The following ADH1B variants were observed in gnomAD, a reference collection of about 807,000 sequenced individuals.
ADH1B encodes the protein all-trans-retinol dehydrogenase [NAD(+)] ADH1B.
Under a neutral mutation model 34.6 loss-of-function variants are expected in ADH1B, and 29 were observed. The ratio of observed to expected loss-of-function variants is 0.84; its 90% CI spans 0.62 to 1.14. The LOEUF is 1.14. Among genes scored for constraint, ADH1B ranks in the 50% most tolerant of loss-of-function variants. The pLI is 0.00. For missense variants in ADH1B, 424 were observed against 468.4 expected (o/e 0.91, Z 0.87); for synonymous variants, 170 against 175.5 (o/e 0.97, Z 0.25).
chr4:99,307,545 A>G lies in ADH1B; in HGVS notation c.*295T>C. ...GAAGATACCAAAAATGCAAGAAGTCACAGGAATATTTTTCCTCAATGGCAA... is the reference window on the plus strand; with the variant it reads ...GAAGATACCAAAAATGCAAGAAGTCGCAGGAATATTTTTCCTCAATGGCAA... On this transcript the variant is annotated 3_prime_UTR_variant, in exon 9 of 9. Coordinates refer to ENST00000305046, the MANE Select transcript of ADH1B (RefSeq NM_000668.6). The G allele has an allele frequency of 2.3e-6, 1 of 433,698 alleles. No individual in the cohort carries two copies. Among genetic ancestry groups the G allele is most frequent in the South Asian group, 2.4e-5 (1 of 40,894 alleles). 26.9% of individuals were successfully genotyped at this position (433,698 alleles called of 1,614,324 possible).
rs748059336 is a variant in ADH1B, at chr4:99,305,592, T to C, written c.*2248A>G. On this transcript the variant is annotated 3_prime_UTR_variant, in exon 9 of 9. Coordinates refer to ENST00000305046, the MANE Select transcript of ADH1B (RefSeq NM_000668.6). ...ATATATATATATATATATATATATA[T>C]ATATATATATATATATACAATCACT... 3 of 103,574 alleles carry C rather than the reference T, an allele frequency of 2.9e-5. No homozygotes were observed. Among genetic ancestry groups the C allele is most frequent in the African/African-American group, 1.1e-4 (3 of 26,186 alleles). 6.4% of individuals were successfully genotyped at this position (103,574 alleles called of 1,614,324 possible).
At position 99,316,554 on chromosome 4, in the gene ADH1B, A is replaced by G. The variant is rs566849805; in HGVS notation, c.260-252T>C. 48 of 484,390 alleles carry G rather than the reference A, an allele frequency of 9.9e-5. No individual in the cohort carries two copies. In the South Asian group the frequency reaches 1.2e-3, roughly 12 times the overall value. The allele number at this position is 484,390 out of a possible 1,614,324, so 30.0% of individuals were successfully genotyped here. ...CACACAGATTAAAAAAATTACTTCC[A>G]CTGTACTAATAGTTAACTTTTACAC... On this transcript the variant is annotated intron_variant, in intron 3 of 8. Coordinates refer to ENST00000305046, the MANE Select transcript of ADH1B (RefSeq NM_000668.6).
intron 4 of ADH1B, 47 bp downstream of exon 4, chr4:99,316,168 T>G: frequency 1.2e-6 from 2 of 1,614,036 alleles, no homozygotes. Flanking sequence ...GGAGCATAAG[T>G]AATGTGCAAA....
chr4:99,317,901 A>G, intron 3 of ADH1B, 145 bp downstream of exon 3: 8 of 1,366,830 alleles, frequency 5.9e-6, no homozygotes, highest in Non-Finnish European at 8.0e-6. Context: ...AGGCAGGCAG[A>G]GAGGGAAAGA....
intron 1 of ADH1B, chr4:99,320,837 T>C: frequency 8.1e-7 from 1 of 1,232,342 alleles, no homozygotes; most frequent in Non-Finnish European, 1.0e-6. Flanking sequence ...TTTTGTAAGA[T>C]ATTTTATAGT....
Sources: gnomAD v4.1 joint callset for allele counts on GRCh38, gnomAD v4.1.1 for gene constraint, MANE v1.5 for transcripts, NCBI Gene and HGNC (gene_info 2026-07-23, HGNC 2026-07-21) for gene names.